CELF1: variants seen among roughly 807,000 people sequenced by gnomAD.
CELF1 encodes 50 kDa nuclear polyadenylated RNA-binding protein.
Under a neutral mutation model 61.8 loss-of-function variants are expected in CELF1, and 10 were observed. The ratio of observed to expected loss-of-function variants is 0.16; its 90% CI spans 0.10 to 0.27. CELF1 has a LOEUF of 0.27. Among genes scored for constraint, CELF1 ranks in the 10% least tolerant of loss-of-function variants. The probability of loss-of-function intolerance (pLI) is 1.00; values close to 1 mark genes in which losing one functional copy is unlikely to be tolerated. For missense variants in CELF1, 380 were observed against 639.1 expected, an observed-to-expected ratio of 0.59 and a Z score of 4.37; for synonymous variants, 236 against 225.1, an observed-to-expected ratio of 1.05 and a Z score of -0.43.
intron 1 of CELF1, among the ~76,000 whole-genome samples, chr11:47,524,282 T>C (rs1364167881): frequency 6.6e-6 from 1 of 151,960 alleles, no homozygotes; most frequent in Non-Finnish European, 1.5e-5. Context: ...CTGATCTTTG[T>C]GACCTGTAAC....
intron 1 of CELF1, among the ~76,000 whole-genome samples, chr11:47,525,449 G>T (rs2096189206): frequency 6.6e-6 from 1 of 152,148 alleles, no homozygotes; most frequent in African/African-American, 2.4e-5. Flanking sequence ...AGCCCTTACT[G>T]AAGTACTTAG....
At chr11:47,482,990 A>C in intron 8 of CELF1, 134 bp from the exon 9 acceptor site, 1 of 822,754 alleles carries the variant, frequency 1.2e-6, no homozygotes, top group Non-Finnish European at 1.9e-6. Flanking sequence ...GATAGACACA[A>C]GAGAGAAGAG....
At chr11:47,480,417 T>C (rs1272022538) in intron 9 of CELF1, among the ~76,000 whole-genome samples, 3 of 152,184 alleles carry the variant, frequency 2.0e-5, no homozygotes, top group Non-Finnish European at 4.4e-5. Flanking sequence ...GGGCTATGTG[T>C]TCAGTCCTAA....
intron 1 of CELF1, among the ~76,000 whole-genome samples, chr11:47,535,741 G>T (rs1464007094): frequency 1.3e-5 from 2 of 148,662 alleles, no homozygotes; most frequent in Non-Finnish European, 3.0e-5. Context: ...AAGCTTTCCT[G>T]TAGCATGCCC....
chr11:47,543,276 C>T (rs1477376914), intron 1 of CELF1, among the ~76,000 whole-genome samples: 1 of 152,068 alleles, frequency 6.6e-6, no homozygotes, highest in Non-Finnish European at 1.5e-5. Context: ...TGTTGCGCAC[C>T]TATAGTCCCG....
At chr11:47,511,875 G>GTC (rs1378233505) in intron 1 of CELF1, among the ~76,000 whole-genome samples, 2 of 152,030 alleles carry the variant, frequency 1.3e-5, no homozygotes, top group Non-Finnish European at 2.9e-5. Context: ...TTGAGACAGA[G>GTC]TCTCTCTCTC....
At chr11:47,483,152 T>C (rs1426785909) in intron 8 of CELF1, among the ~76,000 whole-genome samples, 1 of 152,004 alleles carries the variant, frequency 6.6e-6, no homozygotes, top group Non-Finnish European at 1.5e-5. Flanking sequence ...TAGTCCCAGC[T>C]ACTTGAGTGG....
intron 9 of CELF1, among the ~76,000 whole-genome samples, chr11:47,480,134 G>C (rs1172028066): frequency 6.6e-6 from 1 of 150,964 alleles, no homozygotes; most frequent in Non-Finnish European, 1.5e-5. Context: ...CTGTCGCCAG[G>C]CTGGAGTACA....
chr11:47,512,381 CTGACCTCA>C (rs1007633668), intron 1 of CELF1, among the ~76,000 whole-genome samples: 34 of 151,556 alleles, frequency 2.2e-4, no homozygotes, highest in African/African-American at 8.2e-4. Flanking sequence ...TCCTGATCTC[CTGACCTCA>C]TGATCCACCT....
chr11:47,493,200 A>G (rs2092240066), intron 3 of CELF1, among the ~76,000 whole-genome samples: 1 of 151,942 alleles, frequency 6.6e-6, no homozygotes. Flanking sequence ...TTCCCTGTTT[A>G]TATACCAATT....
At chr11:47,562,250 G>A (rs955448763) in intron 2 of CELF1, among the ~76,000 whole-genome samples, 2 of 148,702 alleles carry the variant, frequency 1.3e-5, no homozygotes, top group African/African-American at 5.1e-5. Flanking sequence ...AAAAAGTTGG[G>A]TGGGGTGGCT....
chr11:47,516,550 T>C (rs117784947), intron 1 of CELF1, among the ~76,000 whole-genome samples: 5,477 of 152,248 alleles, frequency 0.036, 101 homozygotes, highest in Middle Eastern at 0.065. Context: ...GGGTAATTGC[T>C]TGACTGACAT....
chr11:47,543,166 G>C lies in CELF1; in HGVS notation c.-154+9826C>G, dbSNP rs555073097. ...TGCCTGTAATCCCAGCACTTTGGGA[G>C]GCCGAGGCAGGAGGATTGCTAGAGA... is the stretch of plus-strand genomic sequence containing the variant. On this transcript the variant is annotated intron_variant, in intron 1 of 14. Transcript: ENST00000687097. 4.6e-5 allele frequency among the ~76,000 whole-genome samples: 7 copies of C among 152,298 alleles called. No homozygotes were observed. In the East Asian group the frequency reaches 1.4e-3, roughly 29 times the overall value.
In CELF1 at chr11:47,472,026, C is replaced by A; in HGVS notation, c.*204G>T. ...AACTCCAAAGTAAAACACTGGAAAC[C>A]AAAGCACAAACTTGTCCTCTGTACG... On this transcript the variant is annotated 3_prime_UTR_variant, in exon 15 of 15. Transcript: ENST00000687097. The A allele has an allele frequency of 1.8e-6, 1 of 557,096 alleles. No homozygotes were observed. Among genetic ancestry groups the A allele is most frequent in the East Asian group, 2.7e-5 (1 of 36,948 alleles). 34.5% of individuals were successfully genotyped at this position (557,096 alleles called of 1,614,324 possible). A position where few individuals can be genotyped will look rare whatever the true frequency, so the allele number is the denominator to read the frequency against.
chr11:47,541,805 A>G (rs1357530837), intron 1 of CELF1, among the ~76,000 whole-genome samples: 1 of 141,696 alleles, frequency 7.1e-6, no homozygotes, highest in African/African-American at 2.6e-5. Flanking sequence ...AAAGAAAGAA[A>G]GAAAGAAAGA....
chr11:47,535,474 T>G (rs1361939967), intron 1 of CELF1, among the ~76,000 whole-genome samples: 2 of 151,552 alleles, frequency 1.3e-5, no homozygotes, highest in African/African-American at 4.8e-5. Flanking sequence ...AGTTCAGGAG[T>G]TCGAGACCAG....
intron 14 of CELF1, among the ~76,000 whole-genome samples, 181 bp downstream of exon 14, chr11:47,472,906 GA>G (rs368780005): frequency 1.5e-3 from 228 of 152,284 alleles, no homozygotes; most frequent in Non-Finnish European, 3.0e-3. Flanking sequence ...AGTGTGGGTA[GA>G]AATCCTTACC....
intron 1 of CELF1, among the ~76,000 whole-genome samples, chr11:47,516,892 C>T (rs926540480): frequency 6.6e-6 from 1 of 152,062 alleles, no homozygotes; most frequent in Non-Finnish European, 1.5e-5. Flanking sequence ...CATGAGCCAC[C>T]ACGCCCAGCT....
chr11:47,504,575 C>G lies in CELF1; in HGVS notation c.-153-3643G>C, dbSNP rs1343769854. ...GCATGGGCAACAGCGTGAGACCCTGCCTTACAAAACAAAATAAATAAAACA... is the reference window on the plus strand; with the variant it reads ...GCATGGGCAACAGCGTGAGACCCTGGCTTACAAAACAAAATAAATAAAACA... On this transcript the variant is annotated intron_variant, in intron 1 of 14. Transcript: ENST00000687097. 8.7e-4 allele frequency among the ~76,000 whole-genome samples: 123 copies of G among 141,224 alleles called. 1 individual carries two copies. The highest frequency in any genetic ancestry group is 3.9e-3 in the Middle Eastern group (1 of 256). 92.6% of individuals were successfully genotyped at this position (141,224 alleles called of 152,430 possible).
Sources: gnomAD v4.1 joint callset for allele counts (sites outside exome capture counted in the v4.1 genomes callset) on GRCh38, gnomAD v4.1.1 for gene constraint, MANE v1.5 for transcripts, NCBI Gene and HGNC (gene_info 2026-07-23, HGNC 2026-07-21) for gene names.